Variants in LSM10 observed in about 807,000 individuals in gnomAD.
LSM10 encodes U7 snRNA-associated Sm-like protein LSm10.
A neutral mutation model predicts 5.2 loss-of-function variants in LSM10; 4 were observed. The ratio of observed to expected loss-of-function variants is 0.77; its 90% confidence interval spans 0.38 to 1.77. The LOEUF (loss-of-function observed/expected upper bound fraction) is 1.77. Ranked by LOEUF, LSM10 falls within the 40% of genes most tolerant of loss-of-function variation. The pLI is 0.04. For missense variants in LSM10, 150 were observed against 171.6 expected (o/e 0.87, Z 0.70); for synonymous variants, 63 against 67.4 (o/e 0.94, Z 0.32).
At chr1:36,395,406 T>G (rs1211192398) in intron 1 of LSM10, among the ~76,000 whole-genome samples, 1 of 152,064 alleles carries the variant, frequency 6.6e-6, no homozygotes, top group Non-Finnish European at 1.5e-5. Flanking sequence ...AATCAATAAC[T>G]TTAAAAAAAG....
intron 1 of LSM10, among the ~76,000 whole-genome samples, chr1:36,395,373 CTAA>C (rs1358704917): frequency 6.6e-6 from 1 of 152,034 alleles, no homozygotes; most frequent in Non-Finnish European, 1.5e-5. Context: ...TGTATCATTC[CTAA>C]TAATACATTA....
intron 1 of LSM10, among the ~76,000 whole-genome samples, chr1:36,395,517 C>T (rs1305243182): frequency 6.6e-6 from 1 of 151,920 alleles, no homozygotes; most frequent in Non-Finnish European, 1.5e-5. Flanking sequence ...GGTGGCTCCC[C>T]GCTGTAATCC....
At chr1:36,394,973 G>A (rs1229338647) in intron 1 of LSM10, among the ~76,000 whole-genome samples, 1 of 151,296 alleles carries the variant, frequency 6.6e-6, no homozygotes, top group Non-Finnish European at 1.5e-5. Context: ...CAAGCGTGGT[G>A]GCACATGCCT....
intron 1 of LSM10, among the ~76,000 whole-genome samples, chr1:36,395,791 G>T (rs1012022145): frequency 8.4e-6 from 1 of 118,728 alleles, no homozygotes; most frequent in Non-Finnish European, 1.9e-5. Context: ...AAAAAAAAAA[G>T]AAAATCCATA....
At chr1:36,395,892 G>A (rs1647154641) in intron 1 of LSM10, among the ~76,000 whole-genome samples, 1 of 151,886 alleles carries the variant, frequency 6.6e-6, no homozygotes, top group Non-Finnish European at 1.5e-5. Flanking sequence ...ATTCTGATTC[G>A]TTTGGTTAGA....
rs1278847202 is a variant in LSM10 at position 36,394,968 on chromosome 1, G to A, written c.-24-815C>T. 3.9e-5 allele frequency among the ~76,000 whole-genome samples: 6 copies of A among 152,050 alleles called. No homozygotes were observed. The East Asian group carries it at 9.6e-4, about 24-fold the overall frequency. ...TAAAAATACAAAAAATTAGCCAAGC[G>A]TGGTGGCACATGCCTGTAATCTCAG... On this transcript the variant is annotated intron_variant, in intron 1 of 1. Transcript: ENST00000315732.
rs756588557 is a variant in LSM10 at position 36,393,891 on chromosome 1, C to A, written c.239G>T (p.Arg80Leu). ...DDLFVTGRNVRYVHIPDDVNI... is the reference protein window; with the variant it reads ...DDLFVTGRNVLYVHIPDDVNI... ...CACGTCATCTGGGATGTGGACGTAG[C>A]GGACATTGCGGCCTGTCACAAAGAG... is the stretch of plus-strand genomic sequence containing the variant. Residue 80 changes from arginine to leucine, a missense_variant, in exon 2 of 2, where the codon CGC becomes CTC. Coordinates refer to ENST00000315732, the MANE Select transcript of LSM10 (RefSeq NM_032881.3). 1 of 1,614,248 alleles carries A rather than the reference C, an allele frequency of 6.2e-7. No homozygotes were observed. The highest frequency in any genetic ancestry group is 8.5e-7 in the Non-Finnish European group (1 of 1,180,040).
chr1:36,396,579 A>AT (rs1647159296), intron 1 of LSM10, among the ~76,000 whole-genome samples: 1 of 152,250 alleles, frequency 6.6e-6, no homozygotes, highest in South Asian at 2.1e-4. Context: ...AGATAAAGTC[A>AT]TTTTGAACAT....
At chr1:36,394,191 G>C in intron 1 of LSM10, 38 bp from the exon 2 acceptor site, 1 of 1,553,278 alleles carries the variant, frequency 6.4e-7, no homozygotes, top group South Asian at 1.2e-5. Flanking sequence ...CTATAGCAGG[G>C]TAGGGGGTAC....
chr1:36,396,242 A>G (rs1214625782), intron 1 of LSM10, among the ~76,000 whole-genome samples: 1 of 150,734 alleles, frequency 6.6e-6, no homozygotes, highest in African/African-American at 2.4e-5. Flanking sequence ...AAAAAAAAAA[A>G]AAAAAAAGAA....
At position 36,393,702 on chromosome 1, in the gene LSM10, C is replaced by A. The variant is rs1647137610; in HGVS notation, c.*56G>T. 3.1e-6 allele frequency: 5 copies of A among 1,590,734 alleles called. No individual in the cohort carries two copies. The South Asian group carries it at 5.7e-5, about 18-fold the overall frequency. ...CCAGACAGGGTGTGAGGGCAGGGAA[C>A]TAGCTCCGGAGATCACTGGAGGACT... On this transcript the variant is annotated 3_prime_UTR_variant, in exon 2 of 2. Transcript: ENST00000315732.
chr1:36,393,898 T>C lies in LSM10; in HGVS notation c.232A>G (p.Asn78Asp), dbSNP rs1647139781. ...TCTGGGATGTGGACGTAGCGGACATTGCGGCCTGTCACAAAGAGGTCATCC... is the reference window on the plus strand; with the variant it reads ...TCTGGGATGTGGACGTAGCGGACATCGCGGCCTGTCACAAAGAGGTCATCC... ...KLDDLFVTGRNVRYVHIPDDV... is the reference protein window; with the variant it reads ...KLDDLFVTGRDVRYVHIPDDV... The change falls in exon 2 of 2, where the codon AAT becomes GAT. Residue 78 changes from asparagine (N) to aspartate (D), a missense_variant. By Grantham distance (23) the Asn-to-Asp change is conservative. Transcript: ENST00000315732. The C allele has an allele frequency of 1.2e-6, 2 of 1,614,236 alleles. No individual in the cohort carries two copies. The highest frequency in any genetic ancestry group is 4.5e-5 in the East Asian group (2 of 44,886).
chr1:36,395,889 T>C (rs1187013346), intron 1 of LSM10, among the ~76,000 whole-genome samples: 6 of 151,686 alleles, frequency 4.0e-5, no homozygotes, highest in Non-Finnish European at 8.8e-5. Context: ...GAGATTCTGA[T>C]TCGTTTGGTT....
chr1:36,397,425 A>G (rs11263884), intron 1 of LSM10, among the ~76,000 whole-genome samples: 42,797 of 152,056 alleles, frequency 0.28, 6,763 homozygotes, highest in Middle Eastern at 0.41. Flanking sequence ...ACCCGGCTGC[A>G]GCCTGATGAA....
At chr1:36,395,416 G>A (rs1211584177) in intron 1 of LSM10, among the ~76,000 whole-genome samples, 4 of 152,060 alleles carry the variant, frequency 2.6e-5, no homozygotes, top group Non-Finnish European at 5.9e-5. Flanking sequence ...TTTAAAAAAA[G>A]AAAAATATGG....
At chr1:36,396,128 C>G (rs933769420) in intron 1 of LSM10, among the ~76,000 whole-genome samples, 1 of 147,494 alleles carries the variant, frequency 6.8e-6, no homozygotes, top group African/African-American at 2.5e-5. Flanking sequence ...GGGGCTGAGG[C>G]AGGAGAATGG....
intron 1 of LSM10, among the ~76,000 whole-genome samples, chr1:36,394,531 G>T (rs898336708): frequency 1.3e-5 from 2 of 152,176 alleles, no homozygotes; most frequent in Non-Finnish European, 2.9e-5. Flanking sequence ...AGAAGGCTGG[G>T]CATGGTGGCT....
At chr1:36,395,677 T>C (rs1260854820) in intron 1 of LSM10, among the ~76,000 whole-genome samples, 3 of 150,556 alleles carry the variant, frequency 2.0e-5, no homozygotes, top group South Asian at 2.1e-4. Context: ...GCTCCGGAGG[T>C]TGAGGCAGGA....
intron 1 of LSM10, among the ~76,000 whole-genome samples, chr1:36,395,219 A>G (rs1218596253): frequency 6.6e-6 from 1 of 152,248 alleles, no homozygotes; most frequent in African/African-American, 2.4e-5. Flanking sequence ...GCAATGTTCA[A>G]AAAACGATTA....
Sources: allele counts gnomAD v4.1 joint callset (sites outside exome capture counted in the v4.1 genomes callset), GRCh38; gene constraint gnomAD v4.1.1; transcripts MANE v1.5; gene names NCBI Gene and HGNC (gene_info 2026-07-23, HGNC 2026-07-21).